Variants in GRIA4 observed in about 807,000 individuals in gnomAD.
The protein encoded by GRIA4 is glutamate ionotropic receptor AMPA type subunit 4.
Under a neutral mutation model 104.0 loss-of-function variants are expected in GRIA4, and 34 were observed. The ratio of observed to expected loss-of-function variants is 0.33; its 90% CI spans 0.25 to 0.44. The LOEUF (loss-of-function observed/expected upper bound fraction) is 0.44. Among genes scored for constraint, GRIA4 ranks in the 20% least tolerant of loss-of-function variants. The pLI, the probability that GRIA4 is intolerant of heterozygous loss-of-function variation, is 1.00. For missense variants in GRIA4, 750 were observed against 1,096.5 expected, an observed-to-expected ratio of 0.68 and a Z score of 4.46; for synonymous variants, 386 against 381.9, an observed-to-expected ratio of 1.01 and a Z score of -0.13.
intron 14 of GRIA4, chr11:105,966,089 T>A: frequency 6.8e-7 from 1 of 1,473,816 alleles, no homozygotes; most frequent in Non-Finnish European, 9.5e-7. Flanking sequence ...CAAAAGCGGG[T>A]AAACAGTATG....
chr11:105,816,300 T>C (rs1173860722), intron 4 of GRIA4, among the ~76,000 whole-genome samples: 1 of 152,188 alleles, frequency 6.6e-6, no homozygotes, highest in Non-Finnish European at 1.5e-5. Flanking sequence ...ATTCCCACTG[T>C]TGGAGGTAGG....
At chr11:105,739,249 C>G (rs1939161841) in intron 3 of GRIA4, among the ~76,000 whole-genome samples, 1 of 152,118 alleles carries the variant, frequency 6.6e-6, no homozygotes. Flanking sequence ...TTATGATGGC[C>G]TGACTCCGGA....
At chr11:105,767,342 G>C (rs1223373408) in intron 4 of GRIA4, among the ~76,000 whole-genome samples, 1 of 151,974 alleles carries the variant, frequency 6.6e-6, no homozygotes, top group Non-Finnish European at 1.5e-5. Context: ...ACTTGAACAA[G>C]GAAAATACGT....
At chr11:105,963,630 A>G (rs1948794379) in intron 14 of GRIA4, among the ~76,000 whole-genome samples, 1 of 152,156 alleles carries the variant, frequency 6.6e-6, no homozygotes, top group Admixed American at 6.5e-5. Flanking sequence ...GGTCCAGTGT[A>G]TAAAATTACA....
At chr11:105,842,729 A>G (rs1485610100) in intron 4 of GRIA4, 4 of 152,172 alleles carry the variant, frequency 2.6e-5, no homozygotes, top group Non-Finnish European at 2.9e-5. Flanking sequence ...GGAGAAATGA[A>G]AGAGTGAAAG....
chr11:105,858,150 C>T (rs1383053416), intron 4 of GRIA4, among the ~76,000 whole-genome samples: 1 of 152,066 alleles, frequency 6.6e-6, no homozygotes, highest in Admixed American at 6.6e-5. Context: ...CCCTTAATTA[C>T]TATTATAATC....
At position 105,785,364 on chromosome 11, in the gene GRIA4, G is replaced by A. The variant is rs915028280; in HGVS notation, c.487+32144G>A. Among the ~76,000 whole-genome samples the A allele has an allele frequency of 1.2e-4, 19 of 152,168 alleles. No individual in the cohort carries two copies. The South Asian group carries it at 1.4e-3, about 12-fold the overall frequency. On this transcript the variant is annotated intron_variant, in intron 4 of 16. Transcript: ENST00000282499. Reference sequence around the variant, plus strand: ...ATTGATCAATTAGATCAATCTGAGAGACAATATATTTTATTTCTATTAAAT... The same window carrying A: ...ATTGATCAATTAGATCAATCTGAGAAACAATATATTTTATTTCTATTAAAT...
chr11:105,631,263 C>A (rs937474720), intron 3 of GRIA4, among the ~76,000 whole-genome samples: 2 of 152,086 alleles, frequency 1.3e-5, no homozygotes, highest in African/African-American at 4.8e-5. Context: ...GGGGCTAGTG[C>A]ATGTATCTAT....
At chr11:105,696,010 T>C (rs1015681707) in intron 3 of GRIA4, among the ~76,000 whole-genome samples, 1 of 152,204 alleles carries the variant, frequency 6.6e-6, no homozygotes, top group African/African-American at 2.4e-5. Flanking sequence ...AAGACTCAAT[T>C]CTTTGGCATT....
chr11:105,723,247 G>A (rs1565492605), intron 3 of GRIA4, among the ~76,000 whole-genome samples: 1 of 152,114 alleles, frequency 6.6e-6, no homozygotes, highest in Non-Finnish European at 1.5e-5. Flanking sequence ...GTAGCTGAGT[G>A]TAATGGGCTC....
chr11:105,830,907 T>C (rs1943950366), intron 4 of GRIA4, among the ~76,000 whole-genome samples: 1 of 151,986 alleles, frequency 6.6e-6, no homozygotes, highest in Admixed American at 6.6e-5. Flanking sequence ...ACATGTCACT[T>C]TTAGCTAGTG....
intron 3 of GRIA4, among the ~76,000 whole-genome samples, chr11:105,665,341 C>T (rs866788107): frequency 4.0e-5 from 6 of 151,878 alleles, no homozygotes; most frequent in Admixed American, 1.3e-4. Flanking sequence ...TCCCATTTTA[C>T]GTAAAGAAAC....
chr11:105,718,814 T>A (rs1292228059), intron 3 of GRIA4, among the ~76,000 whole-genome samples: 2 of 152,130 alleles, frequency 1.3e-5, no homozygotes, highest in African/African-American at 4.8e-5. Context: ...CTCATTCCTT[T>A]GAGCTACCAG....
At chr11:105,812,987 G>A (rs990694847) in intron 4 of GRIA4, among the ~76,000 whole-genome samples, 16 of 151,704 alleles carry the variant, frequency 1.1e-4, no homozygotes, top group African/African-American at 2.9e-4. Flanking sequence ...TGTAGTCCTC[G>A]GGAGGCTGAG....
In GRIA4 at chr11:105,779,862, T is replaced by C. The variant is rs555318772; in HGVS notation, c.487+26642T>C. 3.3e-5 allele frequency among the ~76,000 whole-genome samples: 5 copies of C among 152,220 alleles called. 1 individual carries two copies. Among genetic ancestry groups the C allele is most frequent in the African/African-American group, 1.2e-4 (5 of 41,520 alleles). ...GAAGAATAAAATGTACATTTATATA[T>C]AATATCTCACATATATAGATTATTA... is the stretch of plus-strand genomic sequence containing the variant. On this transcript the variant is annotated intron_variant, in intron 4 of 16. Coordinates refer to ENST00000282499, the MANE Select transcript of GRIA4 (RefSeq NM_000829.4).
At chr11:105,778,479 G>A (rs1941555739) in intron 4 of GRIA4, among the ~76,000 whole-genome samples, 2 of 152,290 alleles carry the variant, frequency 1.3e-5, no homozygotes, top group South Asian at 2.1e-4. Context: ...GGCCGAGGTG[G>A]GAGGATCACG....
intron 6 of GRIA4, among the ~76,000 whole-genome samples, chr11:105,896,696 C>G (rs1472914485): frequency 6.6e-6 from 1 of 152,036 alleles, no homozygotes; most frequent in Non-Finnish European, 1.5e-5. Context: ...TTTTTGTTGA[C>G]ATTGTCAAAG....
At chr11:105,674,559 C>G (rs1372851332) in intron 3 of GRIA4, among the ~76,000 whole-genome samples, 2 of 151,868 alleles carry the variant, frequency 1.3e-5, no homozygotes, top group African/African-American at 4.8e-5. Flanking sequence ...TTATTAATTA[C>G]TATGTAGTTG....
chr11:105,893,943 C>T (rs1040319567), intron 6 of GRIA4, among the ~76,000 whole-genome samples: 4 of 152,068 alleles, frequency 2.6e-5, no homozygotes, highest in African/African-American at 7.2e-5. Context: ...TACTTTCTGG[C>T]GTCTAGTTTC....
Sources: allele counts gnomAD v4.1 joint callset (sites outside exome capture counted in the v4.1 genomes callset), GRCh38; gene constraint gnomAD v4.1.1; transcripts MANE v1.5; gene names NCBI Gene and HGNC (gene_info 2026-07-23, HGNC 2026-07-21).